DOCK3: variants seen among roughly 807,000 people sequenced by gnomAD.
DOCK3 encodes dedicator of cytokinesis protein 3.
A neutral mutation model predicts 265.6 loss-of-function variants in DOCK3; 60 were observed. The observed-to-expected ratio is 0.23, with a 90% CI of 0.18 to 0.28. The LOEUF (loss-of-function observed/expected upper bound fraction) is 0.28. DOCK3 is among the 10% of genes least tolerant of loss of function. DOCK3 has a pLI of 1.00. For synonymous variants in DOCK3, 881 were observed against 938.0 expected, an observed-to-expected ratio of 0.94 and a Z score of 1.11; for missense variants, 1,981 against 2,594.3, an observed-to-expected ratio of 0.76 and a Z score of 5.14.
chr3:51,335,113 A>G (rs2084775287), intron 35 of DOCK3, among the ~76,000 whole-genome samples: 1 of 152,148 alleles, frequency 6.6e-6, no homozygotes, highest in Non-Finnish European at 1.5e-5. Flanking sequence ...CGAGTGCTCT[A>G]CATACATTTT....
chr3:50,764,605 T>G (rs1429274257), intron 1 of DOCK3, among the ~76,000 whole-genome samples: 6 of 152,190 alleles, frequency 3.9e-5, no homozygotes, highest in Non-Finnish European at 8.8e-5. Flanking sequence ...CCCTTTCTAC[T>G]TAACATAGTG....
intron 5 of DOCK3, among the ~76,000 whole-genome samples, chr3:50,938,584 A>C (rs1356067979): frequency 6.6e-6 from 1 of 152,128 alleles, no homozygotes; most frequent in African/African-American, 2.4e-5. Context: ...CCATAATGGA[A>C]ACAAATTAAA....
chr3:51,082,093 G>A (rs2082263665), intron 7 of DOCK3, among the ~76,000 whole-genome samples: 1 of 151,946 alleles, frequency 6.6e-6, no homozygotes, highest in Non-Finnish European at 1.5e-5. Context: ...GGGAAGCAAA[G>A]CAGCCAGCCC....
intron 5 of DOCK3, among the ~76,000 whole-genome samples, chr3:51,059,141 C>T (rs1328159209): frequency 1.3e-5 from 2 of 152,022 alleles, no homozygotes; most frequent in Non-Finnish European, 2.9e-5. Context: ...TCATGAGTAC[C>T]CAGTGTTTAG....
intron 2 of DOCK3, among the ~76,000 whole-genome samples, chr3:50,800,771 C>A (rs2043027915): frequency 1.3e-5 from 2 of 151,914 alleles, no homozygotes; most frequent in African/African-American, 4.8e-5. Flanking sequence ...TATATGAAAT[C>A]TTTCTAGTTT....
At chr3:51,274,092 A>C (rs905117475) in intron 24 of DOCK3, among the ~76,000 whole-genome samples, 1 of 152,238 alleles carries the variant, frequency 6.6e-6, no homozygotes, top group African/African-American at 2.4e-5. Flanking sequence ...AGGATTGTAA[A>C]TATAGTCAGC....
chr3:50,708,743 C>G (rs2036572221), intron 1 of DOCK3, among the ~76,000 whole-genome samples: 1 of 152,204 alleles, frequency 6.6e-6, no homozygotes, highest in African/African-American at 2.4e-5. Context: ...CTCTCATTTA[C>G]CTTTTTTTCA....
intron 12 of DOCK3, among the ~76,000 whole-genome samples, chr3:51,193,715 A>G (rs1455773561): frequency 1.3e-5 from 2 of 151,146 alleles, no homozygotes; most frequent in Middle Eastern, 6.9e-3. Context: ...AGTTGTTTAT[A>G]ATAGTCTCTA....
At chr3:51,356,594 A>G (rs1576920219) in intron 43 of DOCK3, 101 bp downstream of exon 43, 5 of 1,246,532 alleles carry the variant, frequency 4.0e-6, no homozygotes, top group Non-Finnish European at 5.7e-6. Flanking sequence ...AGCGTCGGCC[A>G]CCTGCCTGGC....
intron 5 of DOCK3, among the ~76,000 whole-genome samples, chr3:50,955,979 C>G (rs1402896671): frequency 6.6e-6 from 1 of 152,010 alleles, no homozygotes. Flanking sequence ...TTGGAATTTT[C>G]CCTTTACCCA....
intron 5 of DOCK3, among the ~76,000 whole-genome samples, chr3:50,994,984 G>A (rs1310800155): frequency 6.6e-6 from 1 of 152,078 alleles, no homozygotes; most frequent in African/African-American, 2.4e-5. Context: ...ATGAATTATG[G>A]TGGTATGCCA....
chr3:51,110,058 C>T (rs1168177729), intron 9 of DOCK3, among the ~76,000 whole-genome samples: 1 of 152,026 alleles, frequency 6.6e-6, no homozygotes, highest in Non-Finnish European at 1.5e-5. Context: ...CTAAAAAATT[C>T]AGAACAAATG....
chr3:51,331,381 C>T (rs1355927750), intron 33 of DOCK3, among the ~76,000 whole-genome samples: 2 of 152,074 alleles, frequency 1.3e-5, no homozygotes, highest in African/African-American at 4.8e-5. Context: ...TGTTCCTTGG[C>T]CACTAACAAA....
At chr3:50,890,417 A>G (rs2048585860) in intron 4 of DOCK3, among the ~76,000 whole-genome samples, 1 of 152,096 alleles carries the variant, frequency 6.6e-6, no homozygotes, top group Non-Finnish European at 1.5e-5. Context: ...ACAAAGTGAA[A>G]GAGACTTTTA....
chr3:51,222,806 G>A (rs1253160758), intron 14 of DOCK3, among the ~76,000 whole-genome samples: 3 of 152,154 alleles, frequency 2.0e-5, no homozygotes, highest in Non-Finnish European at 1.5e-5. Context: ...GGAATATGTA[G>A]CTTAATCCTT....
intron 2 of DOCK3, among the ~76,000 whole-genome samples, chr3:50,825,560 G>T (rs181706877): frequency 3.3e-5 from 5 of 152,202 alleles, no homozygotes; most frequent in Admixed American, 3.3e-4. Context: ...CTCTGGATTG[G>T]GAGATTTCAT....
At chr3:50,925,824 CT>C (rs368819970) in intron 4 of DOCK3, among the ~76,000 whole-genome samples, 1,048 of 88,360 alleles carry the variant, frequency 0.012, 12 homozygotes, top group African/African-American at 0.044. Flanking sequence ...TAAAACTAGT[CT>C]TTTTTTTTTT....
intron 44 of DOCK3, 121 bp downstream of exon 44, chr3:51,357,262 A>G: frequency 8.6e-7 from 1 of 1,160,864 alleles, no homozygotes; most frequent in East Asian, 2.4e-5. Flanking sequence ...CTCTCTTGAC[A>G]TGGTCCTGGA....
chr3:50,852,857 A>G (rs1412035606), intron 3 of DOCK3, among the ~76,000 whole-genome samples: 1 of 152,210 alleles, frequency 6.6e-6, no homozygotes, highest in Admixed American at 6.5e-5. Context: ...ATTTAAATAC[A>G]TCAATTTATT....
Sources: allele counts gnomAD v4.1 joint callset (sites outside exome capture counted in the v4.1 genomes callset), GRCh38; gene constraint gnomAD v4.1.1; transcripts MANE v1.5; gene names NCBI Gene and HGNC (gene_info 2026-07-23, HGNC 2026-07-21).